Variants in DOCK3 observed in about 807,000 individuals in gnomAD.
DOCK3 encodes the protein dedicator of cytokinesis 3.
In DOCK3, 60 loss-of-function variants were observed where a neutral mutation model predicts 265.6. The ratio of observed to expected loss-of-function variants is 0.23; its 90% CI spans 0.18 to 0.28. The LOEUF (loss-of-function observed/expected upper bound fraction) is 0.28, where lower values mean the gene tolerates loss of function less well. DOCK3 is among the 10% of genes least tolerant of loss of function. The pLI is 1.00. For synonymous variants in DOCK3, 881 were observed against 938.0 expected (o/e 0.94, Z 1.11); for missense variants, 1,981 against 2,594.3 (o/e 0.76, Z 5.14).
intron 2 of DOCK3, 139 bp from the exon 3 acceptor site, chr3:50,841,536 A>C (rs2045826511): frequency 6.5e-6 from 2 of 306,330 alleles, no homozygotes; most frequent in African/African-American, 4.2e-5. Flanking sequence ...AGCTGCTATG[A>C]CAACTCTAGA....
chr3:51,195,567 A>G (rs1380599395), intron 12 of DOCK3, among the ~76,000 whole-genome samples: 1 of 151,978 alleles, frequency 6.6e-6, no homozygotes, highest in Non-Finnish European at 1.5e-5. Context: ...GATGCGTGCC[A>G]TCACGCTCAG....
intron 21 of DOCK3, among the ~76,000 whole-genome samples, chr3:51,242,940 G>A (rs527462252): frequency 7.2e-5 from 11 of 152,262 alleles, no homozygotes; most frequent in South Asian, 2.1e-4. Flanking sequence ...GCATAGGGTC[G>A]CACCAGTGGA....
intron 35 of DOCK3, among the ~76,000 whole-genome samples, chr3:51,337,149 G>A (rs1284302107): frequency 6.6e-6 from 1 of 152,210 alleles, no homozygotes; most frequent in Non-Finnish European, 1.5e-5. Context: ...TAGAAAGGAG[G>A]GCCTTGGTTC....
intron 5 of DOCK3, among the ~76,000 whole-genome samples, chr3:51,060,755 C>A (rs1288872319): frequency 1.3e-5 from 2 of 152,104 alleles, no homozygotes; most frequent in Non-Finnish European, 2.9e-5. Context: ...TGGTCTATAT[C>A]TCTGTTTTGG....
chr3:51,026,578 A>G (rs529234235), intron 5 of DOCK3, among the ~76,000 whole-genome samples: 1 of 151,656 alleles, frequency 6.6e-6, no homozygotes, highest in East Asian at 1.9e-4. Flanking sequence ...TTTTTTGTGT[A>G]TCTGGTAGGA....
At chr3:51,341,662 C>T (rs933343243) in intron 38 of DOCK3, among the ~76,000 whole-genome samples, 2 of 152,216 alleles carry the variant, frequency 1.3e-5, no homozygotes, top group African/African-American at 4.8e-5. Context: ...ATGAATGCTT[C>T]TACAGCAGGG....
intron 9 of DOCK3, among the ~76,000 whole-genome samples, chr3:51,126,647 A>G (rs2084279977): frequency 6.6e-6 from 1 of 152,170 alleles, no homozygotes; most frequent in African/African-American, 2.4e-5. Context: ...CATGCTTGTT[A>G]TTGTTAGAAT....
chr3:51,269,403 A>G (rs1443032969), intron 23 of DOCK3, among the ~76,000 whole-genome samples: 2 of 152,048 alleles, frequency 1.3e-5, no homozygotes, highest in South Asian at 2.1e-4. Flanking sequence ...TTTTATATCT[A>G]AGCTGCCAAT....
chr3:50,748,154 A>T (rs938301933), intron 1 of DOCK3, among the ~76,000 whole-genome samples: 5 of 152,094 alleles, frequency 3.3e-5, no homozygotes, highest in Admixed American at 1.3e-4. Context: ...AAGTGGTGTA[A>T]GTAGACATTC....
At chr3:51,297,117 C>A (rs374644470) in intron 27 of DOCK3, among the ~76,000 whole-genome samples, 682 of 65,808 alleles carry the variant, frequency 0.01, 1 homozygote, top group East Asian at 0.02. Context: ...GACTCTGTCT[C>A]AAAAAAAAAA....
intron 1 of DOCK3, among the ~76,000 whole-genome samples, chr3:50,714,011 T>G (rs2036941296): frequency 6.6e-6 from 1 of 152,060 alleles, no homozygotes; most frequent in Non-Finnish European, 1.5e-5. Flanking sequence ...TCAGATGAGC[T>G]CTTACAATAT....
chr3:50,691,916 T>C (rs2035270591), intron 1 of DOCK3, among the ~76,000 whole-genome samples: 1 of 137,630 alleles, frequency 7.3e-6, no homozygotes, highest in Non-Finnish European at 1.6e-5. Flanking sequence ...ATCTAAAAAG[T>C]TTTTTTTTTT....
chr3:51,160,690 T>C lies in DOCK3; in HGVS notation c.1025T>C (p.Leu342Pro). Reference protein sequence around the residue: ...TEVKEEKDFVLKVYTCNNESE... With the variant: ...TEVKEEKDFVPKVYTCNNESE... Reference sequence around the variant, plus strand: ...GTAAAGGAAGAAAAGGATTTTGTTCTTAAGGTTTACACGTGAGTAATGGAC... The same window carrying C: ...GTAAAGGAAGAAAAGGATTTTGTTCCTAAGGTTTACACGTGAGTAATGGAC... Residue 342 changes from leucine (L) to proline (P), a missense_variant, in exon 12 of 53, where the codon CTT becomes CCT. By Grantham distance (98) the Leu-to-Pro change is moderately conservative. Around this residue, in one of 4 missense-constraint regions of DOCK3, gnomAD observed 456 missense variants for 539.0 expected, o/e 0.85. Transcript: ENST00000266037. 1 of 1,612,174 alleles carries C rather than the reference T, an allele frequency of 6.2e-7. No individual in the cohort carries two copies. Among genetic ancestry groups the C allele is most frequent in the Non-Finnish European group, 8.5e-7 (1 of 1,179,236 alleles).
intron 1 of DOCK3, among the ~76,000 whole-genome samples, chr3:50,711,043 G>C (rs1301185147): frequency 7.2e-5 from 11 of 152,120 alleles, no homozygotes; most frequent in Non-Finnish European, 4.4e-5. Context: ...CAAAATCTTA[G>C]AAATCTCCAG....
chr3:51,216,357 G>T (rs2089786817), intron 14 of DOCK3, among the ~76,000 whole-genome samples: 1 of 152,196 alleles, frequency 6.6e-6, no homozygotes, highest in Non-Finnish European at 1.5e-5. Context: ...CTGGAAATAT[G>T]TAATTTCAAG....
intron 5 of DOCK3, among the ~76,000 whole-genome samples, chr3:50,953,592 T>C (rs1245943881): frequency 6.6e-6 from 1 of 152,150 alleles, no homozygotes; most frequent in East Asian, 1.9e-4. Context: ...ATGTATTTCC[T>C]TAGGAAATAC....
intron 21 of DOCK3, among the ~76,000 whole-genome samples, chr3:51,243,950 G>A (rs560927493): frequency 6.6e-6 from 1 of 152,302 alleles, no homozygotes; most frequent in Non-Finnish European, 1.5e-5. Flanking sequence ...ATTTATTGAA[G>A]CTGTCTTTTC....
intron 5 of DOCK3, among the ~76,000 whole-genome samples, chr3:51,010,642 G>C (rs1479383438): frequency 6.6e-6 from 1 of 152,116 alleles, no homozygotes; most frequent in African/African-American, 2.4e-5. Flanking sequence ...ATTGTTATGT[G>C]TGAATTTGAT....
chr3:50,778,272 G>A (rs938013338), intron 1 of DOCK3, among the ~76,000 whole-genome samples: 7 of 151,954 alleles, frequency 4.6e-5, no homozygotes, highest in Non-Finnish European at 1.0e-4. Flanking sequence ...AAATTTATTT[G>A]ATGATTCTTT....
Sources: allele counts gnomAD v4.1 joint callset (sites outside exome capture counted in the v4.1 genomes callset), GRCh38; gene constraint gnomAD v4.1.1; regional missense constraint gnomAD v4.1.1; transcripts MANE v1.5; gene names NCBI Gene and HGNC (gene_info 2026-07-23, HGNC 2026-07-21).